PAMR1: variants seen among roughly 807,000 people sequenced by gnomAD.
PAMR1 encodes inactive serine protease PAMR1.
In PAMR1, 88 loss-of-function variants were observed where a neutral mutation model predicts 81.8. That is an observed-to-expected ratio of 1.08 (90% CI 0.91 to 1.28). PAMR1 has a LOEUF of 1.28. Among genes scored for constraint, PAMR1 ranks in the 50% most tolerant of loss-of-function variants. The pLI, the probability that PAMR1 is intolerant of heterozygous loss-of-function variation, is 0.00. For missense variants in PAMR1, 935 were observed against 919.7 expected, an observed-to-expected ratio of 1.02 and a Z score of -0.21; for synonymous variants, 336 against 345.3, an observed-to-expected ratio of 0.97 and a Z score of 0.30.
chr11:35,497,784 C>A (rs779742771), intron 1 of PAMR1, among the ~76,000 whole-genome samples: 3 of 152,314 alleles, frequency 2.0e-5, no homozygotes, highest in Admixed American at 2.0e-4. Flanking sequence ...TACTGTACTA[C>A]ATTATAACAT....
chr11:35,490,768 A>C (rs947172252), intron 3 of PAMR1, among the ~76,000 whole-genome samples: 3 of 151,174 alleles, frequency 2.0e-5, no homozygotes, highest in African/African-American at 7.4e-5. Context: ...TAAGTGCTTC[A>C]CACACATTAT....
chr11:35,440,259 C>T (rs571181518), intron 7 of PAMR1, among the ~76,000 whole-genome samples: 1 of 152,158 alleles, frequency 6.6e-6, no homozygotes, highest in Non-Finnish European at 1.5e-5. Flanking sequence ...TCTCACTTTC[C>T]CAATCAGGCA....
chr11:35,517,779 A>C (rs2135424205), intron 1 of PAMR1, among the ~76,000 whole-genome samples: 1 of 152,254 alleles, frequency 6.6e-6, no homozygotes, highest in South Asian at 2.1e-4. Context: ...GTGCCTTCAG[A>C]AAAAGGACTT....
Position 35,480,925 on chromosome 11 carries a change from G to A in PAMR1, c.380-6181C>T, listed in dbSNP as rs191759896. On this transcript the variant is annotated intron_variant, in intron 3 of 10. Coordinates refer to ENST00000619888, the MANE Select transcript of PAMR1 (RefSeq NM_001001991.3). ...TATGTCCATGTATTCTCATTGTTCAGCTCCCACTTATGAGTGAGAACATGT... is the reference window on the plus strand; with the variant it reads ...TATGTCCATGTATTCTCATTGTTCAACTCCCACTTATGAGTGAGAACATGT... 4.6e-5 allele frequency among the ~76,000 whole-genome samples: 7 copies of A among 152,206 alleles called. 1 individual carries two copies. The highest frequency in any genetic ancestry group is 2.0e-4 in the Admixed American group (3 of 15,290).
chr11:35,456,263 T>C (rs940892824), intron 6 of PAMR1, among the ~76,000 whole-genome samples: 2 of 152,156 alleles, frequency 1.3e-5, no homozygotes, highest in Non-Finnish European at 2.9e-5. Context: ...CATGGGTCCT[T>C]AGATGAATTT....
intron 1 of PAMR1, among the ~76,000 whole-genome samples, chr11:35,498,618 C>T (rs1483867032): frequency 6.6e-6 from 1 of 152,216 alleles, no homozygotes; most frequent in Non-Finnish European, 1.5e-5. Context: ...TGCTTCCCAT[C>T]GCTTTTGCAG....
Position 35,434,515 on chromosome 11 carries a change from T to G in PAMR1, c.1623A>C (p.Leu541=). 1 of 1,613,110 alleles carries G rather than the reference T, an allele frequency of 6.2e-7. No individual in the cohort carries two copies. The highest frequency in any genetic ancestry group is 8.5e-7 in the Non-Finnish European group (1 of 1,179,230). The stretch of plus-strand genomic sequence containing the variant: ...CCAAGTGCAAGCCCTCTCTTACCTG[T>G]AGGCTCTGGATGGTCTTCTCATCCC... ...DDRDEKTIQS[L]QISAIILHPN... Residue 541 remains leucine (L), a synonymous_variant, in exon 10 of 11, where the codon CTA becomes CTC. Coordinates refer to ENST00000619888, the MANE Select transcript of PAMR1 (RefSeq NM_001001991.3).
At chr11:35,520,875 T>C (rs638888) in intron 1 of PAMR1, among the ~76,000 whole-genome samples, 61,454 of 152,036 alleles carry the variant, frequency 0.4, 13,452 homozygotes, top group East Asian at 0.7. Context: ...AATTTTCAGA[T>C]CTAAGACCTG....
At chr11:35,501,610 C>A (rs1437811511) in intron 1 of PAMR1, among the ~76,000 whole-genome samples, 1 of 151,640 alleles carries the variant, frequency 6.6e-6, no homozygotes, top group African/African-American at 2.4e-5. Context: ...AAAACTAAGA[C>A]ACAAACATAC....
rs754545805 is a variant in PAMR1, at chr11:35,434,749, C to G, written c.1389G>C (p.Pro463=). ...TAPKTQGLRW[P]WQAAIYRRTS... ...TCCTCCTGTAGATGGCTGCCTGCCACGGCCAGCGCAACCCTTGGGTCTTTG... is the reference window on the plus strand; with the variant it reads ...TCCTCCTGTAGATGGCTGCCTGCCAGGGCCAGCGCAACCCTTGGGTCTTTG... Residue 463 remains proline (P), a synonymous_variant, in exon 10 of 11, where the codon CCG becomes CCC. Coordinates refer to ENST00000619888, the MANE Select transcript of PAMR1 (RefSeq NM_001001991.3). The G allele has an allele frequency of 2.5e-6, 4 of 1,614,038 alleles. No homozygotes were observed. Among genetic ancestry groups the G allele is most frequent in the South Asian group, 1.1e-5 (1 of 91,092 alleles).
At chr11:35,473,243 G>C (rs1850222644) in intron 4 of PAMR1, among the ~76,000 whole-genome samples, 2 of 152,174 alleles carry the variant, frequency 1.3e-5, no homozygotes, top group Non-Finnish European at 2.9e-5. Flanking sequence ...CCCTGGCCAG[G>C]TGCTCCAGAC....
chr11:35,434,597 A>G lies in PAMR1; in HGVS notation c.1541T>C (p.Met514Thr), dbSNP rs998121452. 1.9e-5 allele frequency: 30 copies of G among 1,613,922 alleles called. No homozygotes were observed. The highest frequency in any genetic ancestry group is 3.3e-5 in the Admixed American group (2 of 59,972). The change falls in exon 10 of 11, where the codon ATG (methionine) becomes ACG (threonine). Residue 514 changes from methionine (M) to threonine (T), a missense_variant. Transcript: ENST00000619888. ...AACTTTCAGGTCTGCTGTCTTGATC[A>G]TGGTGACCTTCCCCAGGTCAGTAAC... ...HCVTDLGKVT[M>T]IKTADLKVVL...
At chr11:35,439,804 C>G (rs1856127454) in intron 7 of PAMR1, 111 bp from the exon 8 acceptor site, 9 of 866,576 alleles carry the variant, frequency 1.0e-5, no homozygotes, top group Non-Finnish European at 1.5e-5. Flanking sequence ...TGCCCATTCC[C>G]CAGGCTCTCA....
chr11:35,438,958 G>A (rs775869952), intron 8 of PAMR1, among the ~76,000 whole-genome samples: 5 of 152,228 alleles, frequency 3.3e-5, no homozygotes, highest in Non-Finnish European at 5.9e-5. Context: ...GCTCCAGACA[G>A]AAGGAGCCAC....
At position 35,436,279 on chromosome 11, in the gene PAMR1, CTCTG is replaced by C. The variant is rs935471105; in HGVS notation, c.1101-148_1101-145del. On this transcript the variant is annotated intron_variant, in intron 8 of 10. Coordinates refer to ENST00000619888, the MANE Select transcript of PAMR1 (RefSeq NM_001001991.3). ...TGTCTCTGTCTCTCTCTATCTCTCT[CTCTG>C]TCTGTCTGCCTTTTGAGGCAGGGTC... 3.3e-5 allele frequency: 20 copies of C among 614,902 alleles called. No homozygotes were observed. The Admixed American group carries it at 4.5e-4, about 14-fold the overall frequency. The allele number at this position is 614,902 out of a possible 1,614,324, so 38.1% of individuals were successfully genotyped here.
At chr11:35,461,994 C>T (rs1015510368) in intron 6 of PAMR1, among the ~76,000 whole-genome samples, 7 of 152,116 alleles carry the variant, frequency 4.6e-5, no homozygotes, top group African/African-American at 1.7e-4. Context: ...TTCTCCCTGC[C>T]CCTTTAACAA....
chr11:35,506,021 C>T (rs1474723023), intron 1 of PAMR1, among the ~76,000 whole-genome samples: 1 of 151,254 alleles, frequency 6.6e-6, no homozygotes, highest in Non-Finnish European at 1.5e-5. Flanking sequence ...GTATCTATTA[C>T]AGATTTTTTT....
At chr11:35,512,001 C>T (rs1293062331) in intron 1 of PAMR1, among the ~76,000 whole-genome samples, 7 of 152,166 alleles carry the variant, frequency 4.6e-5, no homozygotes, top group South Asian at 2.1e-4. Context: ...ATCTCAACCT[C>T]GGTGACCTCA....
chr11:35,452,085 T>C (rs1015294858), intron 6 of PAMR1: 6 of 434,360 alleles, frequency 1.4e-5, no homozygotes, highest in Admixed American at 4.3e-5. Flanking sequence ...ACAGATAATG[T>C]TGTTATCTAA....
Sources: allele counts gnomAD v4.1 joint callset (sites outside exome capture counted in the v4.1 genomes callset), GRCh38; gene constraint gnomAD v4.1.1; transcripts MANE v1.5; gene names NCBI Gene and HGNC (gene_info 2026-07-23, HGNC 2026-07-21).